Variants in PLXNB1 observed in about 807,000 individuals in gnomAD.
PLXNB1 encodes plexin B1.
A neutral mutation model predicts 209.4 loss-of-function variants in PLXNB1; 106 were observed. The ratio of observed to expected loss-of-function variants is 0.51; its 90% CI spans 0.43 to 0.59. The LOEUF is 0.59. Among genes scored for constraint, PLXNB1 ranks in the 20% least tolerant of loss-of-function variants. The pLI, the probability that PLXNB1 is intolerant of heterozygous loss-of-function variation, is 0.00. For synonymous variants in PLXNB1, 1,167 were observed against 1,183.2 expected, an observed-to-expected ratio of 0.99 and a Z score of 0.28; for missense variants, 2,357 against 2,853.2, an observed-to-expected ratio of 0.83 and a Z score of 3.96.
chr3:48,422,023 G>A, intron 6 of PLXNB1, 82 bp downstream of exon 6: 1 of 1,378,340 alleles, frequency 7.3e-7, no homozygotes. Context: ...CATGGTCTAA[G>A]GGTCAGGAAT....
Position 48,410,810 on chromosome 3 carries a change from C to T in PLXNB1, c.5416+58G>A, listed in dbSNP as rs777489812. 398 of 1,521,986 alleles carry T rather than the reference C, an allele frequency of 2.6e-4. No individual in the cohort carries two copies. Among genetic ancestry groups the T allele is most frequent in the Non-Finnish European group, 3.2e-4 (359 of 1,120,828 alleles). The allele number at this position is 1,521,986 out of a possible 1,614,324, so 94.3% of individuals were successfully genotyped here. On this transcript the variant is annotated intron_variant, in intron 29 of 37. Transcript: ENST00000296440. The surrounding 1 kb of genome is among the most constrained non-coding windows in gnomAD (Gnocchi z 6.4). The stretch of plus-strand genomic sequence containing the variant: ...ATGAGTTGTCCCTGCAGAGTTGGTC[C>T]GGGGCCAGCCCAGGCCCAACAGTGG...
In PLXNB1 at chr3:48,405,642, C is replaced by A; in HGVS notation, c.6303+82G>T. On this transcript the variant is annotated intron_variant, in intron 37 of 37. Coordinates refer to ENST00000296440, the MANE Select transcript of PLXNB1 (RefSeq NM_001130082.3). This position sits in a 1 kb window ranked among gnomAD's most constrained non-coding sequence, Gnocchi z 5.0. ...CCCTGGGGAAGACCAAAGCCCCCAA[C>A]GTGAGTCACAGGGTCAGAGCCCCTT... The A allele has an allele frequency of 1.8e-6, 2 of 1,096,556 alleles. No individual in the cohort carries two copies. The highest frequency in any genetic ancestry group is 2.7e-6 in the Non-Finnish European group (2 of 733,632). 67.9% of individuals were successfully genotyped at this position (1,096,556 alleles called of 1,614,324 possible).
In PLXNB1 at chr3:48,417,861, C is replaced by A; in HGVS notation, c.3374+50G>T. On this transcript the variant is annotated intron_variant, in intron 16 of 37. Transcript: ENST00000296440. The surrounding 1 kb of genome is among the most constrained non-coding windows in gnomAD (Gnocchi z 4.4). ...GGAGGCCCCAAGCAGCAACGCCAAC[C>A]GCGGAGGCCCCAGGCTGCGCCGTGC... is the stretch of plus-strand genomic sequence containing the variant. 6.4e-7 allele frequency: 1 copy of A among 1,560,658 alleles called. No homozygotes were observed. Among genetic ancestry groups the A allele is most frequent in the Non-Finnish European group, 8.7e-7 (1 of 1,148,142 alleles).
At position 48,410,616 on chromosome 3, in the gene PLXNB1, G is replaced by T; in HGVS notation, c.5417-58C>A. ...TGGAAGATACCCTTCCCATAGTGGA[G>T]CCCATCTCCTCCTCCACAGGGACAC... On this transcript the variant is annotated intron_variant, in intron 29 of 37. Transcript: ENST00000296440. This position sits in a 1 kb window ranked among gnomAD's most constrained non-coding sequence, Gnocchi z 6.4. 1 of 1,406,924 alleles carries T rather than the reference G, an allele frequency of 7.1e-7. No individual in the cohort carries two copies. Among genetic ancestry groups the T allele is most frequent in the Non-Finnish European group, 1.0e-6 (1 of 996,532 alleles). 87.2% of individuals were successfully genotyped at this position (1,406,924 alleles called of 1,614,324 possible).
Position 48,410,959 on chromosome 3 carries a change from G to A in PLXNB1, c.5325C>T (p.Asp1775=). The A allele has an allele frequency of 3.1e-6, 5 of 1,613,928 alleles. No homozygotes were observed. Among genetic ancestry groups the A allele is most frequent in the Admixed American group, 1.7e-5 (1 of 60,006 alleles). ...TCTTCTCCTTTGCCTGGGAGATGGT[G>A]TCACAGTCTAGGACCTTCACGGGCA... ...QGVPVKVLDC[D]TISQAKEKML... The change falls in exon 29 of 38, where the codon GAC becomes GAT. Residue 1775 remains aspartate, a synonymous_variant. Coordinates refer to ENST00000296440, the MANE Select transcript of PLXNB1 (RefSeq NM_001130082.3). The surrounding 1 kb of genome is among the most constrained non-coding windows in gnomAD (Gnocchi z 6.4).
chr3:48,415,195 G>T lies in PLXNB1; in HGVS notation c.3947C>A (p.Pro1316His). 6.2e-7 allele frequency: 1 copy of T among 1,612,898 alleles called. No homozygotes were observed. The change falls in exon 20 of 38, where the codon CCC becomes CAC. Residue 1316 changes from proline to histidine, a missense_variant. Pro to His is a moderately conservative substitution (Grantham distance 77). Around this residue, in one of 7 missense-constraint regions of PLXNB1, gnomAD observed 743 missense variants for 896.2 expected, o/e 0.83. Coordinates refer to ENST00000296440, the MANE Select transcript of PLXNB1 (RefSeq NM_001130082.3). The surrounding 1 kb of genome is among the most constrained non-coding windows in gnomAD (Gnocchi z 5.0). The part of the protein sequence containing the change: ...VVPETACSLG[P>H]SCSSQQFEEP... ...TCCTACTTGCTGGCTACTGCAGGAG[G>T]GTCCAAGGGAACATGCCGTCTCCGG...
rs1194097306 is a variant in PLXNB1 at position 48,419,419 on chromosome 3, C to T, written c.2710-53G>A. On this transcript the variant is annotated intron_variant, in intron 11 of 37. Transcript: ENST00000296440. The surrounding 1 kb of genome is among the most constrained non-coding windows in gnomAD (Gnocchi z 5.7). ...ATGGAGCCCACCCTGCCCAGCTCAGCCCTCTGCCTTGCCAGATTCCAGAGG... is the reference window on the plus strand; with the variant it reads ...ATGGAGCCCACCCTGCCCAGCTCAGTCCTCTGCCTTGCCAGATTCCAGAGG... 3 of 1,521,282 alleles carry T rather than the reference C, an allele frequency of 2.0e-6. No individual in the cohort carries two copies. The African/African-American group carries it at 4.2e-5, about 21-fold the overall frequency. 94.2% of individuals were successfully genotyped at this position (1,521,282 alleles called of 1,614,324 possible). A position where few individuals can be genotyped will look rare whatever the true frequency, so the allele number is the denominator to read the frequency against.
Position 48,410,434 on chromosome 3 carries a change from T to A in PLXNB1, c.5520+21A>T. The A allele has an allele frequency of 6.2e-7, 1 of 1,612,214 alleles. No individual in the cohort carries two copies. Reference sequence around the variant, plus strand: ...CCAGTCCCACCCCACCATGCCCTCCTCCAGCTCCCACTCCTCCTACCTTGT... The same window carrying A: ...CCAGTCCCACCCCACCATGCCCTCCACCAGCTCCCACTCCTCCTACCTTGT... On this transcript the variant is annotated intron_variant, in intron 30 of 37. Transcript: ENST00000296440. The surrounding 1 kb of genome is among the most constrained non-coding windows in gnomAD (Gnocchi z 6.4).
rs2039050983 is a variant in PLXNB1, at chr3:48,429,091, G to T, written c.-60+917C>A. ...TCCCAATCGCGTTCCAGGCGGAGTC[G>T]CCAGAGTTTCCCTTCGCGCGGAGAA... On this transcript the variant is annotated intron_variant, in intron 1 of 37. Coordinates refer to ENST00000296440, the MANE Select transcript of PLXNB1 (RefSeq NM_001130082.3). The surrounding 1 kb of genome is among the most constrained non-coding windows in gnomAD (Gnocchi z 6.4). Among the ~76,000 whole-genome samples the T allele has an allele frequency of 1.3e-5, 2 of 152,210 alleles. No individual in the cohort carries two copies. Among genetic ancestry groups the T allele is most frequent in the Non-Finnish European group, 2.9e-5 (2 of 68,030 alleles).
chr3:48,421,819 A>G lies in PLXNB1; in HGVS notation c.1521-13T>C. ...ACGGCGACTGCACCTGGGCGAGATG[A>G]CCAGTGTCTATCTGTGACCCTCATG... is the stretch of plus-strand genomic sequence containing the variant. On this transcript the variant is annotated splice_polypyrimidine_tract_variant and intron_variant, in intron 6 of 37. Transcript: ENST00000296440. 1 of 1,593,538 alleles carries G rather than the reference A, an allele frequency of 6.3e-7. No individual in the cohort carries two copies.
Position 48,420,155 on chromosome 3 carries a change from C to A in PLXNB1, c.2131G>T (p.Val711Leu), listed in dbSNP as rs777231480. The change falls in exon 11 of 38, where the codon GTG becomes TTG. Residue 711 changes from valine to leucine, a missense_variant. Physicochemically the swap from Val to Leu is conservative, Grantham distance 32. Coordinates refer to ENST00000296440, the MANE Select transcript of PLXNB1 (RefSeq NM_001130082.3). ...LATPAPDTLP[V>L]EPGAPSTATA... is the part of the protein sequence containing the mutation. ...GCTGTGGAGGGAGCCCCAGGCTCCA[C>A]GGGAAGGGTGTCAGGAGCAGGGGTG... 4 of 1,269,366 alleles carry A rather than the reference C, an allele frequency of 3.2e-6. No homozygotes were observed. Among genetic ancestry groups the A allele is most frequent in the Non-Finnish European group, 4.2e-6 (4 of 963,496 alleles). 78.6% of individuals were successfully genotyped at this position (1,269,366 alleles called of 1,614,324 possible).
chr3:48,424,209 C>T lies in PLXNB1; in HGVS notation c.403G>A (p.Glu135Lys), dbSNP rs1384681298. 1 of 1,598,606 alleles carries T rather than the reference C, an allele frequency of 6.3e-7. No individual in the cohort carries two copies. Among genetic ancestry groups the T allele is most frequent in the Non-Finnish European group, 8.5e-7 (1 of 1,171,246 alleles). ...ACATATTGTGTGTCCCCAGGCCGCTCTGGCCGCAGCAGCAGCTGCTCGAGC... is the reference window on the plus strand; with the variant it reads ...ACATATTGTGTGTCCCCAGGCCGCTTTGGCCGCAGCAGCAGCTGCTCGAGC... Reference protein sequence around the residue: ...GQLEQLLLRPERPGDTQYVAA... With the variant: ...GQLEQLLLRPKRPGDTQYVAA... Residue 135 changes from glutamate (E) to lysine (K), a missense_variant, in exon 3 of 38, where the codon GAG (glutamate) becomes AAG (lysine). By Grantham distance (56) the Glu-to-Lys change is moderately conservative. This residue lies in a region of PLXNB1 where 404 missense variants were observed against 443.6 expected (regional missense o/e 0.91). Transcript: ENST00000296440.
chr3:48,414,498 T>C (rs2037934637), intron 21 of PLXNB1, among the ~76,000 whole-genome samples: 1 of 152,174 alleles, frequency 6.6e-6, no homozygotes, highest in Non-Finnish European at 1.5e-5. Context: ...GTCAGCCCGA[T>C]GGCCTATGTG....
At position 48,413,642 on chromosome 3, in the gene PLXNB1, C is replaced by T. The variant is rs769704500; in HGVS notation, c.4535+28G>A. 4 of 1,586,228 alleles carry T rather than the reference C, an allele frequency of 2.5e-6. No homozygotes were observed. The highest frequency in any genetic ancestry group is 1.1e-5 in the South Asian group (1 of 88,916). On this transcript the variant is annotated intron_variant, in intron 23 of 37. Transcript: ENST00000296440. This position sits in a 1 kb window ranked among gnomAD's most constrained non-coding sequence, Gnocchi z 5.4. Reference sequence around the variant, plus strand: ...TCCAGCCAGATCCCACGACCTGCCCCAGCCCAGCCACATCTGGCTGCACCC... The same window carrying T: ...TCCAGCCAGATCCCACGACCTGCCCTAGCCCAGCCACATCTGGCTGCACCC...
In PLXNB1 at chr3:48,415,580, C is replaced by A. The variant is rs777825732; in HGVS notation, c.3794+3G>T. On this transcript the variant is annotated splice_donor_region_variant and intron_variant, in intron 19 of 37. Coordinates refer to ENST00000296440, the MANE Select transcript of PLXNB1 (RefSeq NM_001130082.3). The surrounding 1 kb of genome is among the most constrained non-coding windows in gnomAD (Gnocchi z 5.0). ...CCATGCAGCCACACCCCTGGCCCAA[C>A]ACCTGAGGAAGCTCTTGGTGGGGCC... 28 of 1,570,608 alleles carry A rather than the reference C, an allele frequency of 1.8e-5. No individual in the cohort carries two copies. The highest frequency in any genetic ancestry group is 1.5e-5 in the Non-Finnish European group (17 of 1,155,958).
In PLXNB1 at chr3:48,415,131, G is replaced by A. The variant is rs1196528656; in HGVS notation, c.3966+45C>T. On this transcript the variant is annotated intron_variant, in intron 20 of 37. Transcript: ENST00000296440. The surrounding 1 kb of genome is among the most constrained non-coding windows in gnomAD (Gnocchi z 5.0). ...CTGCTCTGGCTGTCCCCAGGGTGTG[G>A]TATGGGGCAAGGGGAGAGTGTGGGG... 1.2e-6 allele frequency: 2 copies of A among 1,606,820 alleles called. No individual in the cohort carries two copies. Among genetic ancestry groups the A allele is most frequent in the South Asian group, 1.1e-5 (1 of 90,930 alleles).
Position 48,414,525 on chromosome 3 carries a change from T to A in PLXNB1, c.4209+274A>T, listed in dbSNP as rs747023774. Among the ~76,000 whole-genome samples the A allele has an allele frequency of 1.0e-3, 154 of 152,290 alleles. 1 individual carries two copies. The highest frequency in any genetic ancestry group is 3.4e-3 in the Middle Eastern group (1 of 294). On this transcript the variant is annotated intron_variant, in intron 21 of 37. Transcript: ENST00000296440. ...GCCTATGTGGACCACACCACCCAGCTACTGCACAGGCCGAACATACAAATG... is the reference window on the plus strand; with the variant it reads ...GCCTATGTGGACCACACCACCCAGCAACTGCACAGGCCGAACATACAAATG...
Position 48,429,058 on chromosome 3 carries a change from C to A in PLXNB1, c.-60+950G>T, listed in dbSNP as rs2039048128. On this transcript the variant is annotated intron_variant, in intron 1 of 37. Transcript: ENST00000296440. The surrounding 1 kb of genome is among the most constrained non-coding windows in gnomAD (Gnocchi z 6.4). ...GGGGCGCGGAGGAGCAGCTCCACCTCCTCAGTCTCCCAATCGCGTTCCAGG... is the reference window on the plus strand; with the variant it reads ...GGGGCGCGGAGGAGCAGCTCCACCTACTCAGTCTCCCAATCGCGTTCCAGG... Among the ~76,000 whole-genome samples the A allele has an allele frequency of 6.6e-6, 1 of 152,340 alleles. No individual in the cohort carries two copies. The highest frequency in any genetic ancestry group is 1.9e-4 in the East Asian group (1 of 5,174).
intron 34 of PLXNB1, among the ~76,000 whole-genome samples, chr3:48,408,546 A>G (rs1199404665): frequency 6.6e-6 from 1 of 152,066 alleles, no homozygotes; most frequent in African/African-American, 2.4e-5. Flanking sequence ...GGACGGCTCC[A>G]ACTACTCAGT....
Sources: gnomAD v4.1 joint callset for allele counts (sites outside exome capture counted in the v4.1 genomes callset) on GRCh38, gnomAD v4.1.1 for gene constraint, gnomAD v4.1.1 regional missense constraint, Gnocchi (gnomAD v3.1) non-coding constraint, MANE v1.5 for transcripts, NCBI Gene and HGNC (gene_info 2026-07-23, HGNC 2026-07-21) for gene names.